DAB2IP: variants seen among roughly 807,000 people sequenced by gnomAD.
DAB2IP encodes the protein DAB2 interacting protein.
In DAB2IP, 28 loss-of-function variants were observed where a neutral mutation model predicts 107.2. The ratio of observed to expected loss-of-function variants is 0.26; its 90% CI spans 0.19 to 0.36. The LOEUF (loss-of-function observed/expected upper bound fraction) is 0.36. DAB2IP is among the 10% of genes least tolerant of loss of function. The pLI is 1.00. For missense variants in DAB2IP, 1,400 were observed against 1,644.7 expected (o/e 0.85, Z 2.57); for synonymous variants, 755 against 706.4 (o/e 1.07, Z -1.09).
At position 121,633,155 on chromosome 9, in the gene DAB2IP, ACTC is replaced by A. The variant is rs1282127921; in HGVS notation, c.41-45520_41-45518del. On this transcript the variant is annotated intron_variant, in intron 1 of 16. Transcript: ENST00000259371. This position sits in a 1 kb window ranked among gnomAD's most constrained non-coding sequence, Gnocchi z 5.1. ...TTGTTCTCAAATTGTGCACTATTAA[ACTC>A]CTGAAAAATTCATGAGCACGCTGGG... Among the ~76,000 whole-genome samples, 1 of 152,020 alleles carries A rather than the reference ACTC, an allele frequency of 6.6e-6. No individual in the cohort carries two copies. The highest frequency in any genetic ancestry group is 1.5e-5 in the Non-Finnish European group (1 of 68,006).
At chr9:121,632,769 A>G (rs1831942031) in intron 1 of DAB2IP, among the ~76,000 whole-genome samples, 1 of 152,368 alleles carries the variant, frequency 6.6e-6, no homozygotes, top group Admixed American at 6.5e-5. Flanking sequence ...TCTAAGTCTC[A>G]GAGCAGGAAG....
At chr9:121,752,290 G>T (rs955495401) in intron 3 of DAB2IP, among the ~76,000 whole-genome samples, 2 of 148,798 alleles carry the variant, frequency 1.3e-5, no homozygotes, top group Non-Finnish European at 2.9e-5. Context: ...CGTCACCAGG[G>T]TTTGCAGGCT....
At chr9:121,598,109 G>T (rs1413653219) in intron 1 of DAB2IP, among the ~76,000 whole-genome samples, 2 of 152,242 alleles carry the variant, frequency 1.3e-5, no homozygotes, top group African/African-American at 4.8e-5. Flanking sequence ...GTGCAGTTGG[G>T]CCCAGGCGCT....
intron 3 of DAB2IP, among the ~76,000 whole-genome samples, chr9:121,730,511 G>A (rs1401033684): frequency 6.6e-6 from 1 of 152,196 alleles, no homozygotes; most frequent in African/African-American, 2.4e-5. Context: ...TTTTCGCCCA[G>A]CAGGCTGCAG....
chr9:121,715,421 C>T (rs1034098127), intron 3 of DAB2IP, among the ~76,000 whole-genome samples: 4 of 150,158 alleles, frequency 2.7e-5, no homozygotes, highest in African/African-American at 4.9e-5. Flanking sequence ...GGCAGGATCT[C>T]GGCTCACTGC....
At chr9:121,759,552 G>T (rs148337129) in intron 5 of DAB2IP, among the ~76,000 whole-genome samples, 1 of 152,324 alleles carries the variant, frequency 6.6e-6, no homozygotes, top group Non-Finnish European at 1.5e-5. Context: ...GTTAATAATG[G>T]CATAGCCTGT....
At chr9:121,614,309 C>G (rs1367126217) in intron 1 of DAB2IP, among the ~76,000 whole-genome samples, 1 of 150,938 alleles carries the variant, frequency 6.6e-6, no homozygotes, top group African/African-American at 2.4e-5. Context: ...GTGTCCAGGA[C>G]TCTCCCACCT....
intron 1 of DAB2IP, among the ~76,000 whole-genome samples, chr9:121,616,064 T>A (rs1264392445): frequency 6.6e-6 from 1 of 152,116 alleles, no homozygotes; most frequent in South Asian, 2.1e-4. Context: ...AGAAGGGACA[T>A]GAGAGTCAAA....
At chr9:121,689,028 C>T (rs1465886796) in intron 2 of DAB2IP, among the ~76,000 whole-genome samples, 1 of 152,214 alleles carries the variant, frequency 6.6e-6, no homozygotes, top group Non-Finnish European at 1.5e-5. Context: ...CGTGGTGGCT[C>T]ATGCCTGTAA....
At chr9:121,583,779 T>A (rs1030411277) in intron 1 of DAB2IP, among the ~76,000 whole-genome samples, 1 of 152,328 alleles carries the variant, frequency 6.6e-6, no homozygotes, top group South Asian at 2.1e-4. Flanking sequence ...TCTAGGCCAG[T>A]GGTTTTCCCG....
chr9:121,764,437 C>T (rs950422383), intron 8 of DAB2IP, among the ~76,000 whole-genome samples: 3 of 152,262 alleles, frequency 2.0e-5, no homozygotes, highest in African/African-American at 7.2e-5. Context: ...AGACAGGCCC[C>T]TCAGCAGGAC....
chr9:121,726,781 T>C (rs1831258454), intron 3 of DAB2IP, among the ~76,000 whole-genome samples: 1 of 152,204 alleles, frequency 6.6e-6, no homozygotes, highest in Admixed American at 6.5e-5. Context: ...TTGGGTTTTT[T>C]CTACAGAAGG....
chr9:121,761,807 G>A (rs983947991), intron 6 of DAB2IP, among the ~76,000 whole-genome samples: 8 of 152,154 alleles, frequency 5.3e-5, no homozygotes, highest in South Asian at 2.1e-4. Flanking sequence ...GCTGGGAAAC[G>A]GAATGAATCA....
intron 1 of DAB2IP, among the ~76,000 whole-genome samples, chr9:121,571,492 G>A (rs1267799424): frequency 6.6e-6 from 1 of 152,092 alleles, no homozygotes; most frequent in African/African-American, 2.4e-5. Flanking sequence ...TCTTGGTCAG[G>A]GGTTGGCAAG....
chr9:121,666,161 C>G (rs1000996701), intron 1 of DAB2IP, among the ~76,000 whole-genome samples: 2 of 152,148 alleles, frequency 1.3e-5, no homozygotes, highest in Non-Finnish European at 2.9e-5. Flanking sequence ...GTCTCATAGC[C>G]CCATGTCACT....
chr9:121,692,507 C>A (rs1026979493), intron 2 of DAB2IP, among the ~76,000 whole-genome samples: 1 of 152,090 alleles, frequency 6.6e-6, no homozygotes, highest in Non-Finnish European at 1.5e-5. Flanking sequence ...CAACAGTGAC[C>A]CTAGAGTGTC....
intron 8 of DAB2IP, among the ~76,000 whole-genome samples, chr9:121,765,838 G>A (rs549273101): frequency 8.5e-5 from 13 of 152,300 alleles, no homozygotes; most frequent in Admixed American, 3.3e-4. Flanking sequence ...CAGCTCTGCC[G>A]GCTTGCTCCA....
chr9:121,592,296 G>A (rs1369676738), intron 1 of DAB2IP, among the ~76,000 whole-genome samples: 3 of 152,064 alleles, frequency 2.0e-5, no homozygotes, highest in African/African-American at 7.2e-5. Context: ...AACCCTGGAG[G>A]TGGAGGCTGC....
rs183631288 is a variant in DAB2IP, at chr9:121,635,108, G to A, written c.41-43570G>A. Among the ~76,000 whole-genome samples the A allele has an allele frequency of 5.3e-4, 80 of 152,328 alleles. No individual in the cohort carries two copies. The highest frequency in any genetic ancestry group is 3.4e-3 in the Middle Eastern group (1 of 294). ...GGAAGCTTGGCAGAGGGTGGCTATG[G>A]AGTGGAGGGGGCTGGAGAGGCCAGG... On this transcript the variant is annotated intron_variant, in intron 1 of 16. Transcript: ENST00000259371. The surrounding 1 kb of genome is among the most constrained non-coding windows in gnomAD (Gnocchi z 4.3).
Sources: allele counts gnomAD v4.1 joint callset (sites outside exome capture counted in the v4.1 genomes callset), GRCh38; gene constraint gnomAD v4.1.1; non-coding constraint Gnocchi (gnomAD v3.1); transcripts MANE v1.5; gene names NCBI Gene and HGNC (gene_info 2026-07-23, HGNC 2026-07-21).